NCEH1: variants seen among roughly 807,000 people sequenced by gnomAD.
The protein encoded by NCEH1 is neutral cholesterol ester hydrolase 1, also known as 2-acetyl MAGE hydrolase.
A neutral mutation model predicts 25.4 loss-of-function variants in NCEH1; 9 were observed. The ratio of observed to expected loss-of-function variants is 0.35; its 90% CI spans 0.21 to 0.62. The LOEUF (loss-of-function observed/expected upper bound fraction) is 0.62. Ranked by LOEUF, NCEH1 falls within the 20% of genes least tolerant of loss-of-function variation. The pLI, the probability that NCEH1 is intolerant of heterozygous loss-of-function variation, is 0.72. For synonymous variants in NCEH1, 200 were observed against 199.8 expected (o/e 1.00, Z -0.01); for missense variants, 412 against 501.1 (o/e 0.82, Z 1.70).
At chr3:172,643,652 T>G (rs1212421980) in intron 3 of NCEH1, among the ~76,000 whole-genome samples, 1 of 152,204 alleles carries the variant, frequency 6.6e-6, no homozygotes, top group Non-Finnish European at 1.5e-5. Flanking sequence ...TTGAGACAGA[T>G]GCTGATAAGG....
intron 1 of NCEH1, among the ~76,000 whole-genome samples, chr3:172,701,396 CTT>C (rs1240639193): frequency 6.6e-6 from 1 of 150,578 alleles, no homozygotes; most frequent in African/African-American, 2.5e-5. Flanking sequence ...ATCAGTCCCA[CTT>C]TGTTAGTTCA....
intron 1 of NCEH1, among the ~76,000 whole-genome samples, chr3:172,706,499 C>CTTTTTT (rs768288361): frequency 1.5e-4 from 19 of 126,452 alleles, no homozygotes; most frequent in Non-Finnish European, 2.1e-4. Flanking sequence ...TTACATTTTT[C>CTTTTTT]TTTTTTTTTT....
intron 4 of NCEH1, 108 bp downstream of exon 4, chr3:172,635,808 C>T: frequency 9.9e-7 from 1 of 1,012,670 alleles, no homozygotes; most frequent in East Asian, 2.4e-5. Flanking sequence ...CATCTAGTGA[C>T]CGGCCCACCC....
rs1716675655 is a variant in NCEH1, at chr3:172,638,067, AACATCTTG to A, written c.438-1988_438-1981del. Among the ~76,000 whole-genome samples, 4 of 152,292 alleles carry A rather than the reference AACATCTTG, an allele frequency of 2.6e-5. No homozygotes were observed. In the South Asian group the frequency reaches 8.3e-4, roughly 32 times the overall value. ...AAAATAAAATCCTGCTAGGTAATTA[AACATCTTG>A]ACATTCATTGTAGATAAAATCAAAT... On this transcript the variant is annotated intron_variant, in intron 3 of 4. Coordinates refer to ENST00000475381, the MANE Select transcript of NCEH1 (RefSeq NM_020792.6).
At chr3:172,674,311 G>C (rs1711815790) in intron 1 of NCEH1, among the ~76,000 whole-genome samples, 1 of 151,976 alleles carries the variant, frequency 6.6e-6, no homozygotes, top group Admixed American at 6.6e-5. Flanking sequence ...GGGTGTGGTG[G>C]CACGTGCCGT....
At chr3:172,702,964 C>T (rs1434411043) in intron 1 of NCEH1, among the ~76,000 whole-genome samples, 1 of 152,104 alleles carries the variant, frequency 6.6e-6, no homozygotes, top group South Asian at 2.1e-4. Context: ...TGCATCCCTG[C>T]CTGGGTGACA....
chr3:172,673,945 G>A (rs1711795605), intron 1 of NCEH1, among the ~76,000 whole-genome samples: 1 of 152,110 alleles, frequency 6.6e-6, no homozygotes, highest in Admixed American at 6.5e-5. Context: ...CTTTTTACTT[G>A]GGAATGGATA....
intron 1 of NCEH1, among the ~76,000 whole-genome samples, chr3:172,675,064 C>G (rs985008300): frequency 6.6e-6 from 1 of 152,088 alleles, no homozygotes; most frequent in Non-Finnish European, 1.5e-5. Context: ...AATCCCGGCA[C>G]CTTGGGAGGC....
In NCEH1 at chr3:172,684,389, C is replaced by G. The variant is rs545456564; in HGVS notation, c.138+26458G>C. On this transcript the variant is annotated intron_variant, in intron 1 of 4. Transcript: ENST00000475381. ...AACTGATTTTACTTTAGCAAATACC[C>G]AAGAAGAAAACCTAACCTAGAAAAT... Among the ~76,000 whole-genome samples the G allele has an allele frequency of 3.2e-3, 490 of 152,164 alleles. 3 individuals are homozygous for G. Among genetic ancestry groups the G allele is most frequent in the African/African-American group, 0.01 (431 of 41,494 alleles).
At position 172,631,724 on chromosome 3, in the gene NCEH1, A is replaced by G. The variant is rs972463976; in HGVS notation, c.*1751T>C. 3 of 152,562 alleles carry G rather than the reference A, an allele frequency of 2.0e-5. No homozygotes were observed. Among genetic ancestry groups the G allele is most frequent in the South Asian group, 2.1e-4 (1 of 4,824 alleles). The allele number at this position is 152,562 out of a possible 1,614,324, so 9.5% of individuals were successfully genotyped here. On this transcript the variant is annotated 3_prime_UTR_variant, in exon 5 of 5. Coordinates refer to ENST00000475381, the MANE Select transcript of NCEH1 (RefSeq NM_020792.6). The stretch of plus-strand genomic sequence containing the variant: ...TGCTACTGGCTCATACAATACATCA[A>G]TAAGTATGCAACTTTTCATTTGTTA...
chr3:172,689,994 C>T (rs1401206500), intron 1 of NCEH1, among the ~76,000 whole-genome samples: 1 of 151,208 alleles, frequency 6.6e-6, no homozygotes, highest in Non-Finnish European at 1.5e-5. Flanking sequence ...AACTCCGCCT[C>T]CCGGGTTCAC....
intron 1 of NCEH1, 58 bp from the exon 2 acceptor site, chr3:172,648,172 A>G: frequency 1.3e-6 from 2 of 1,596,250 alleles, no homozygotes. Flanking sequence ...GCATCACCAG[A>G]GCTGCCCTCA....
intron 1 of NCEH1, among the ~76,000 whole-genome samples, chr3:172,685,277 ACT>A (rs756039151): frequency 2.0e-5 from 3 of 152,052 alleles, no homozygotes; most frequent in African/African-American, 2.4e-5. Flanking sequence ...ACAGAGTGAG[ACT>A]CTATCTCAAC....
chr3:172,630,762 A>G lies in NCEH1; in HGVS notation c.*2713T>C, dbSNP rs981801500. On this transcript the variant is annotated 3_prime_UTR_variant, in exon 5 of 5. Coordinates refer to ENST00000475381, the MANE Select transcript of NCEH1 (RefSeq NM_020792.6). Reference sequence around the variant, plus strand: ...ATAAAATATATTTGCTATTAAAATCATTCATAAAATCTACCTTCCCCTTCG... The same window carrying G: ...ATAAAATATATTTGCTATTAAAATCGTTCATAAAATCTACCTTCCCCTTCG... The G allele has an allele frequency of 6.6e-6, 1 of 152,366 alleles. No individual in the cohort carries two copies. The highest frequency in any genetic ancestry group is 3.4e-3 in the Middle Eastern group (1 of 294). The allele number at this position is 152,366 out of a possible 1,614,324, so 9.4% of individuals were successfully genotyped here. A position where few individuals can be genotyped will look rare whatever the true frequency, so the allele number is the denominator to read the frequency against.
At chr3:172,665,411 G>A (rs975821175) in intron 1 of NCEH1, among the ~76,000 whole-genome samples, 3 of 152,230 alleles carry the variant, frequency 2.0e-5, no homozygotes, top group African/African-American at 4.8e-5. Context: ...ACTGGGAGGT[G>A]CCTCCCAGTT....
intron 1 of NCEH1, among the ~76,000 whole-genome samples, chr3:172,669,296 C>T (rs1718374875): frequency 6.6e-6 from 1 of 152,188 alleles, no homozygotes; most frequent in African/African-American, 2.4e-5. Flanking sequence ...TATGTGAACT[C>T]CTAAGGGTTA....
At chr3:172,675,552 GTC>G (rs1252606748) in intron 1 of NCEH1, among the ~76,000 whole-genome samples, 4 of 152,182 alleles carry the variant, frequency 2.6e-5, no homozygotes, top group African/African-American at 9.6e-5. Flanking sequence ...TTGTAAGAGA[GTC>G]TGTGAAAATC....
chr3:172,647,823 A>C, intron 2 of NCEH1, 63 bp downstream of exon 2: 2 of 1,596,516 alleles, frequency 1.3e-6, no homozygotes, highest in South Asian at 2.2e-5. Flanking sequence ...AGCCAAACTC[A>C]GTTACGCATC....
At chr3:172,667,136 T>C (rs1312919790) in intron 1 of NCEH1, among the ~76,000 whole-genome samples, 1 of 152,194 alleles carries the variant, frequency 6.6e-6, no homozygotes, top group Non-Finnish European at 1.5e-5. Context: ...GAGCTCTGTT[T>C]TCAACAGTTA....
Sources: gnomAD v4.1 joint callset for allele counts (sites outside exome capture counted in the v4.1 genomes callset) on GRCh38, gnomAD v4.1.1 for gene constraint, MANE v1.5 for transcripts, NCBI Gene and HGNC (gene_info 2026-07-23, HGNC 2026-07-21) for gene names.